The following SLC1A5 variants were observed in gnomAD, a reference collection of about 807,000 sequenced individuals.
SLC1A5 encodes the protein neutral amino acid transporter B(0).
A neutral mutation model predicts 34.9 loss-of-function variants in SLC1A5; 25 were observed. That is an observed-to-expected ratio of 0.72 (90% confidence interval 0.52 to 1.00). The LOEUF (loss-of-function observed/expected upper bound fraction) is 1.00, where lower values mean the gene tolerates loss of function less well. SLC1A5 is among the 50% of genes least tolerant of loss of function. The pLI is 0.00. For missense variants in SLC1A5, 637 were observed against 740.0 expected (o/e 0.86, Z 1.61); for synonymous variants, 351 against 341.2 (o/e 1.03, Z -0.32).
chr19:46,783,708 G>T (rs894403158), intron 3 of SLC1A5, among the ~76,000 whole-genome samples: 2 of 152,152 alleles, frequency 1.3e-5, no homozygotes, highest in African/African-American at 4.8e-5. Flanking sequence ...GATCACTTGA[G>T]CCCAGGAGGT....
intron 4 of SLC1A5, 39 bp downstream of exon 4, chr19:46,782,344 C>CCACCCCCCCCCCCCCCCCCCCCCCCA: frequency 1.6e-6 from 1 of 617,112 alleles, no homozygotes; most frequent in Non-Finnish European, 2.9e-6. Context: ...ACCGACCCTC[C>CCACCCCCCCCCCCCCCCCCCCCCCCA]AACCCCACCC....
At position 46,778,659 on chromosome 19, in the gene SLC1A5, C is replaced by CA; in HGVS notation, c.1058+15dup. On this transcript the variant is annotated intron_variant, in intron 5 of 7. Coordinates refer to ENST00000542575, the MANE Select transcript of SLC1A5 (RefSeq NM_005628.3). Reference sequence around the variant, plus strand: ...GCGGATTAAACATCCCACCCTAGCCCACCCCAAGGCCGTACCTGGAAGAGG... The same window carrying CA: ...GCGGATTAAACATCCCACCCTAGCCCAACCCCAAGGCCGTACCTGGAAGAGG... 1.4e-6 allele frequency: 2 copies of CA among 1,406,924 alleles called. No homozygotes were observed. The highest frequency in any genetic ancestry group is 1.0e-6 in the Non-Finnish European group (1 of 999,312). 87.2% of individuals were successfully genotyped at this position (1,406,924 alleles called of 1,614,324 possible).
chr19:46,778,423 A>G (rs557498177), intron 5 of SLC1A5, among the ~76,000 whole-genome samples: 1 of 152,238 alleles, frequency 6.6e-6, no homozygotes, highest in South Asian at 2.1e-4. Flanking sequence ...GCGAGACGCC[A>G]TTGTTTAAAA....
intron 4 of SLC1A5, 38 bp downstream of exon 4, chr19:46,782,345 A>ACCCCCCCCCCCCCCCCCCCCCCCTC: frequency 3.4e-6 from 1 of 292,428 alleles, no homozygotes; most frequent in Non-Finnish European, 6.7e-6. Context: ...CCGACCCTCC[A>ACCCCCCCCCCCCCCCCCCCCCCCTC]ACCCCACCCA....
Position 46,784,512 on chromosome 19 carries a change from C to A in SLC1A5, c.609+5G>T. 1 of 1,614,094 alleles carries A rather than the reference C, an allele frequency of 6.2e-7. No individual in the cohort carries two copies. The highest frequency in any genetic ancestry group is 2.2e-5 in the East Asian group (1 of 44,880). On this transcript the variant is annotated splice_donor_5th_base_variant and intron_variant, in intron 2 of 7. Transcript: ENST00000542575. ...CATCCCCTCAGGACACCCCTGAGGA[C>A]TCACTGAGCGAAAGGCTGCTGACAC...
intron 4 of SLC1A5, among the ~76,000 whole-genome samples, chr19:46,780,531 A>AT (rs1276479288): frequency 2.0e-5 from 3 of 151,114 alleles, no homozygotes; most frequent in Non-Finnish European, 4.4e-5. Flanking sequence ...TAATATTTGT[A>AT]TTTTTTTGTA....
In SLC1A5 at chr19:46,778,925, G is replaced by A; in HGVS notation, c.825-17C>T. On this transcript the variant is annotated splice_polypyrimidine_tract_variant and intron_variant, in intron 4 of 7. Coordinates refer to ENST00000542575, the MANE Select transcript of SLC1A5 (RefSeq NM_005628.3). ...GGGGCGTACCTGATCAGTAACACAGGAGACAGCTTGTTGCCTCTTCCACGG... is the reference window on the plus strand; with the variant it reads ...GGGGCGTACCTGATCAGTAACACAGAAGACAGCTTGTTGCCTCTTCCACGG... The A allele has an allele frequency of 2.0e-6, 3 of 1,525,864 alleles. No homozygotes were observed. The highest frequency in any genetic ancestry group is 2.6e-6 in the Non-Finnish European group (3 of 1,133,310). 94.5% of individuals were successfully genotyped at this position (1,525,864 alleles called of 1,614,324 possible). A position where few individuals can be genotyped will look rare whatever the true frequency, so the allele number is the denominator to read the frequency against.
intron 1 of SLC1A5, among the ~76,000 whole-genome samples, chr19:46,785,957 GGCT>G (rs1400188753): frequency 6.6e-6 from 1 of 151,994 alleles, no homozygotes; most frequent in Non-Finnish European, 1.5e-5. Context: ...GCACACGGAA[GGCT>G]GAGGCACGAG....
chr19:46,776,659 A>C, intron 7 of SLC1A5: 1 of 275,632 alleles, frequency 3.6e-6, no homozygotes. Context: ...CAGATGGAGA[A>C]ACTGAGACGC....
chr19:46,788,163 G>A lies in SLC1A5; in HGVS notation c.-198C>T. The A allele has an allele frequency of 1.8e-6, 1 of 567,798 alleles. No individual in the cohort carries two copies. The highest frequency in any genetic ancestry group is 3.0e-6 in the Non-Finnish European group (1 of 330,392). The allele number at this position is 567,798 out of a possible 1,614,324, so 35.2% of individuals were successfully genotyped here. A position where few individuals can be genotyped will look rare whatever the true frequency, so the allele number is the denominator to read the frequency against. On this transcript the variant is annotated 5_prime_UTR_variant, in exon 1 of 8. Coordinates refer to ENST00000542575, the MANE Select transcript of SLC1A5 (RefSeq NM_005628.3). ...AAGCTGGAGTGTTTAAATTCCCCAGGCTGGGCGCTGAGGCTTCTCTGCTCT... is the reference window on the plus strand; with the variant it reads ...AAGCTGGAGTGTTTAAATTCCCCAGACTGGGCGCTGAGGCTTCTCTGCTCT...
chr19:46,778,659 C>CCA lies in SLC1A5; in HGVS notation c.1058+15_1058+16insTG. ...GCGGATTAAACATCCCACCCTAGCCCACCCCAAGGCCGTACCTGGAAGAGG... is the reference window on the plus strand; with the variant it reads ...GCGGATTAAACATCCCACCCTAGCCCCAACCCCAAGGCCGTACCTGGAAGAGG... On this transcript the variant is annotated intron_variant, in intron 5 of 7. Transcript: ENST00000542575. 1 of 1,406,930 alleles carries CCA rather than the reference C, an allele frequency of 7.1e-7. No individual in the cohort carries two copies. The highest frequency in any genetic ancestry group is 1.0e-6 in the Non-Finnish European group (1 of 999,318). 87.2% of individuals were successfully genotyped at this position (1,406,930 alleles called of 1,614,324 possible).
rs1305138979 is a variant in SLC1A5, at chr19:46,787,516, C to A, written c.450G>T (p.Ala150=). 3 of 1,578,616 alleles carry A rather than the reference C, an allele frequency of 1.9e-6. No homozygotes were observed. The highest frequency in any genetic ancestry group is 2.6e-6 in the Non-Finnish European group (3 of 1,163,234). ...LLASALGVGL[A]LALQPGAASA... is the part of the protein sequence containing the mutation. ...AGGCGGCGCCCGGCTGCAGAGCCAG[C>A]GCCAAGCCCACTCCGAGCGCCGACG... The change falls in exon 1 of 8, where the codon GCG becomes GCT. Residue 150 remains alanine, a synonymous_variant. Transcript: ENST00000542575. This position sits in a 1 kb window ranked among gnomAD's most constrained non-coding sequence, Gnocchi z 5.2.
intron 2 of SLC1A5, 24 bp from the exon 3 acceptor site, chr19:46,784,168 C>A (rs764521923): frequency 1.3e-6 from 2 of 1,591,548 alleles, no homozygotes; most frequent in Non-Finnish European, 1.7e-6. Context: ...TGGGAAGAGT[C>A]AGTGTCCATC....
intron 4 of SLC1A5, among the ~76,000 whole-genome samples, 178 bp downstream of exon 4, chr19:46,782,199 GAAAATC>G (rs1217113911): frequency 6.6e-6 from 1 of 152,158 alleles, no homozygotes; most frequent in East Asian, 1.9e-4. Context: ...AGCAGAGAAG[GAAAATC>G]ACTTGCCTAA....
chr19:46,780,404 A>T (rs553980302), intron 4 of SLC1A5, among the ~76,000 whole-genome samples: 1 of 151,982 alleles, frequency 6.6e-6, no homozygotes, highest in East Asian at 2.0e-4. Flanking sequence ...CCCAGGCTGG[A>T]GTGTACTGTT....
At chr19:46,781,102 AC>A (rs1198602001) in intron 4 of SLC1A5, among the ~76,000 whole-genome samples, 3 of 152,188 alleles carry the variant, frequency 2.0e-5, no homozygotes, top group African/African-American at 7.2e-5. Flanking sequence ...CTTCCCAGCA[AC>A]CCCCGGAGGG....
At chr19:46,783,894 G>A (rs374588385) in intron 3 of SLC1A5, among the ~76,000 whole-genome samples, 1 of 151,744 alleles carries the variant, frequency 6.6e-6, no homozygotes, top group Non-Finnish European at 1.5e-5. Flanking sequence ...GGGGGTGAGG[G>A]AGAAAGGAAG....
At chr19:46,781,738 C>A (rs2055147789) in intron 4 of SLC1A5, among the ~76,000 whole-genome samples, 1 of 152,152 alleles carries the variant, frequency 6.6e-6, no homozygotes, top group South Asian at 2.1e-4. Flanking sequence ...ATTTTCCCAG[C>A]CACTTGTGCA....
rs760651639 is a variant in SLC1A5 at position 46,787,842 on chromosome 19, G to A, written c.124C>T (p.Arg42Trp). 1 of 1,552,978 alleles carries A rather than the reference G, an allele frequency of 6.4e-7. No homozygotes were observed. The highest frequency in any genetic ancestry group is 8.7e-7 in the Non-Finnish European group (1 of 1,148,988). ...CGAAGGCAGCGGCGCACCTGGTCCC[G>A]GGAACCGCAGTAGCCGCCTGCTGCC... ...GAAAGGYCGS[R>W]DQVRRCLRAN... Residue 42 changes from arginine (R) to tryptophan (W), a missense_variant, in exon 1 of 8, where the codon CGG becomes TGG. Transcript: ENST00000542575. The surrounding 1 kb of genome is among the most constrained non-coding windows in gnomAD (Gnocchi z 5.2).
Sources: allele counts gnomAD v4.1 joint callset (sites outside exome capture counted in the v4.1 genomes callset), GRCh38; gene constraint gnomAD v4.1.1; non-coding constraint Gnocchi (gnomAD v3.1); transcripts MANE v1.5; gene names NCBI Gene and HGNC (gene_info 2026-07-23, HGNC 2026-07-21).